Variants in TBX20 observed in about 807,000 individuals in gnomAD.
TBX20 encodes the protein T-box transcription factor 20.
TBX20 carries 8 observed loss-of-function variants against 42.9 expected under a neutral mutation model. The observed-to-expected ratio is 0.19, with a 90% CI of 0.11 to 0.34. TBX20 has a LOEUF of 0.34. TBX20 is among the 10% of genes least tolerant of loss of function. The pLI is 1.00. For synonymous variants in TBX20, 198 were observed against 222.8 expected, an observed-to-expected ratio of 0.89 and a Z score of 0.99; for missense variants, 411 against 566.0, an observed-to-expected ratio of 0.73 and a Z score of 2.78.
Position 35,231,569 on chromosome 7 carries a change from C to T in TBX20, c.825G>A (p.Leu275=), listed in dbSNP as rs760853394. The T allele has an allele frequency of 6.8e-6, 11 of 1,612,242 alleles. No individual in the cohort carries two copies. The East Asian group carries it at 2.5e-4, about 36-fold the overall frequency. Residue 275 remains leucine, a synonymous_variant, in exon 6 of 8, where the codon CTG becomes CTA. Coordinates refer to ENST00000408931, the MANE Select transcript of TBX20 (RefSeq NM_001077653.2). ...TGGCAAAAGGATTGCTATCTATTTT[C>T]AGCTTCGTTATCTGGAGAAAGAATG... ...TAYQNQLITK[L]KIDSNPFAKG... is the part of the protein sequence containing the mutation.
Position 35,210,826 on chromosome 7 carries a change from A to T in TBX20, c.891-6244T>A, listed in dbSNP as rs187861221. ...TGTAGGCAACATATAATCAGGTCTT[A>T]CTTTTTAATTCAAACTGACAATCTC... On this transcript the variant is annotated intron_variant, in intron 6 of 7. Coordinates refer to ENST00000408931, the MANE Select transcript of TBX20 (RefSeq NM_001077653.2). Among the ~76,000 whole-genome samples, 381 of 152,268 alleles carry T rather than the reference A, an allele frequency of 2.5e-3. 7 individuals carry two copies. Among genetic ancestry groups the T allele is most frequent in the African/African-American group, 8.6e-3 (359 of 41,554 alleles).
intron 3 of TBX20, 40 bp from the exon 4 acceptor site, chr7:35,245,097 A>G: frequency 7.1e-7 from 1 of 1,406,950 alleles, no homozygotes; most frequent in East Asian, 2.3e-5. Context: ...GACTTCTTTA[A>G]AAAGTCTGTC....
intron 6 of TBX20, among the ~76,000 whole-genome samples, chr7:35,220,077 A>G (rs1789654700): frequency 6.6e-6 from 1 of 152,236 alleles, no homozygotes; most frequent in South Asian, 2.1e-4. Flanking sequence ...GGAGGGTGCC[A>G]ACTATATATT....
At chr7:35,242,302 CT>C (rs2128714855) in intron 4 of TBX20, among the ~76,000 whole-genome samples, 1 of 152,228 alleles carries the variant, frequency 6.6e-6, no homozygotes, top group Admixed American at 6.5e-5. Context: ...AACATGCTGC[CT>C]TTTTATGATC....
intron 6 of TBX20, among the ~76,000 whole-genome samples, chr7:35,230,747 G>C (rs976543817): frequency 6.6e-6 from 1 of 152,116 alleles, no homozygotes; most frequent in Non-Finnish European, 1.5e-5. Context: ...CTGGTGGCTA[G>C]GGAACTTCCC....
chr7:35,213,663 G>A (rs1385191661), intron 6 of TBX20, among the ~76,000 whole-genome samples: 1 of 151,852 alleles, frequency 6.6e-6, no homozygotes, highest in African/African-American at 2.4e-5. Flanking sequence ...GCAATATATT[G>A]GAAATATCAT....
rs1363437011 is a variant in TBX20 at position 35,248,665 on chromosome 7, G to A, written c.545+12C>T. ...TAACAGTTTTCTCAGTGAAAAATCT[G>A]GAGGCACGAACCTGGCTGGCAACGG... On this transcript the variant is annotated intron_variant, in intron 3 of 7. Coordinates refer to ENST00000408931, the MANE Select transcript of TBX20 (RefSeq NM_001077653.2). 4 of 1,613,912 alleles carry A rather than the reference G, an allele frequency of 2.5e-6. No homozygotes were observed. Among genetic ancestry groups the A allele is most frequent in the Admixed American group, 1.7e-5 (1 of 60,028 alleles).
At chr7:35,237,998 G>A (rs953608662) in intron 5 of TBX20, among the ~76,000 whole-genome samples, 4 of 152,066 alleles carry the variant, frequency 2.6e-5, no homozygotes, top group Non-Finnish European at 5.9e-5. Flanking sequence ...TAGGGGTTAA[G>A]GGCACTCCCT....
intron 5 of TBX20, among the ~76,000 whole-genome samples, chr7:35,236,133 A>G (rs975287508): frequency 9.9e-5 from 15 of 152,200 alleles, no homozygotes; most frequent in African/African-American, 3.6e-4. Context: ...AAAAGGTCCT[A>G]CTTTCATTAC....
In TBX20 at chr7:35,248,714, G is replaced by A. The variant is rs778761577; in HGVS notation, c.508C>T (p.Leu170=). 1 of 1,614,108 alleles carries A rather than the reference G, an allele frequency of 6.2e-7. No individual in the cohort carries two copies. Among genetic ancestry groups the A allele is most frequent in the Non-Finnish European group, 8.5e-7 (1 of 1,180,048 alleles). The change falls in exon 3 of 8, where the codon CTG becomes TTG. Residue 170 remains leucine (L), a synonymous_variant. Transcript: ENST00000408931. ...GGCGGGTCGGCCTTGCCAGCCACCAGCCAGGAGGACCGGTGGTAGGCGTAG... is the reference window on the plus strand; with the variant it reads ...GGCGGGTCGGCCTTGCCAGCCACCAACCAGGAGGACCGGTGGTAGGCGTAG... The part of the protein sequence containing the change: ...YRYAYHRSSW[L]VAGKADPPLP...
At position 35,250,155 on chromosome 7, in the gene TBX20, G is replaced by A; in HGVS notation, c.176C>T (p.Thr59Ile). 1.9e-6 allele frequency: 3 copies of A among 1,614,052 alleles called. No individual in the cohort carries two copies. Among genetic ancestry groups the A allele is most frequent in the Non-Finnish European group, 2.5e-6 (3 of 1,180,002 alleles). Reference protein sequence around the residue: ...SSCAQPLGELTSLDAHGEFGG... With the variant: ...SSCAQPLGELISLDAHGEFGG... The stretch of plus-strand genomic sequence containing the variant: ...AAACTCCCCATGAGCATCCAGGCTG[G>A]TCAGCTCACCCAGGGGCTGGGCACA... Residue 59 changes from threonine to isoleucine, a missense_variant, in exon 2 of 8, where the codon ACC (threonine) becomes ATC (isoleucine). Thr to Ile is a moderately conservative substitution (Grantham distance 89, BLOSUM62 -1). Around this residue, in one of 5 missense-constraint regions of TBX20, gnomAD observed 114 missense variants for 128.0 expected, o/e 0.89. Transcript: ENST00000408931.
At chr7:35,235,486 G>A (rs907120772) in intron 5 of TBX20, among the ~76,000 whole-genome samples, 1 of 152,306 alleles carries the variant, frequency 6.6e-6, no homozygotes, top group East Asian at 1.9e-4. Flanking sequence ...AACATTGTAT[G>A]TACAGAAACC....
intron 4 of TBX20, among the ~76,000 whole-genome samples, chr7:35,242,266 G>A (rs374370015): frequency 3.9e-5 from 6 of 152,252 alleles, no homozygotes; most frequent in Admixed American, 6.5e-5. Flanking sequence ...CTAAAGTTAC[G>A]GGGTTTTAAC....
intron 6 of TBX20, among the ~76,000 whole-genome samples, chr7:35,221,226 A>T (rs547241350): frequency 1.3e-4 from 19 of 150,238 alleles, no homozygotes; most frequent in African/African-American, 4.1e-4. Flanking sequence ...TCGTTGAGGG[A>T]GGAGAAGTAC....
intron 6 of TBX20, among the ~76,000 whole-genome samples, chr7:35,211,959 T>C (rs1789504281): frequency 6.6e-6 from 1 of 152,162 alleles, no homozygotes; most frequent in South Asian, 2.1e-4. Flanking sequence ...TGGATTGTGT[T>C]TACAATTGTC....
intron 6 of TBX20, among the ~76,000 whole-genome samples, chr7:35,231,166 G>A (rs1789859325): frequency 6.6e-6 from 1 of 152,144 alleles, no homozygotes; most frequent in African/African-American, 2.4e-5. Flanking sequence ...AGGCTATCAC[G>A]GTTCTGTTTC....
Position 35,204,323 on chromosome 7 carries a change from C to T in TBX20, c.1003+147G>A, listed in dbSNP as rs182310383. ...TAATGAAATCTGTGAGGATCAGTGTCGGGGCTCTCCCTTCCCAAGGAGGCT... is the reference window on the plus strand; with the variant it reads ...TAATGAAATCTGTGAGGATCAGTGTTGGGGCTCTCCCTTCCCAAGGAGGCT... On this transcript the variant is annotated intron_variant, in intron 7 of 7. Transcript: ENST00000408931. 86 of 706,060 alleles carry T rather than the reference C, an allele frequency of 1.2e-4. 1 individual carries two copies. In the East Asian group the frequency reaches 2.3e-3, roughly 19 times the overall value. 43.7% of individuals were successfully genotyped at this position (706,060 alleles called of 1,614,324 possible).
At chr7:35,231,406 G>C (rs1789863592) in intron 6 of TBX20, 98 bp downstream of exon 6, 1 of 805,016 alleles carries the variant, frequency 1.2e-6, no homozygotes, top group East Asian at 2.6e-5. Flanking sequence ...TATATAGTAA[G>C]GTTATGATTC....
At position 35,245,025 on chromosome 7, in the gene TBX20, C is replaced by G; in HGVS notation, c.578G>C (p.Gly193Ala). The change falls in exon 4 of 8, where the codon GGT becomes GCT. Residue 193 changes from glycine to alanine, a missense_variant. Gly to Ala is a moderately conservative substitution (Grantham distance 60). Transcript: ENST00000408931. ...LYVHPDSPFT[G>A]EQLLKQMVSF... Reference sequence around the variant, plus strand: ...CACCATCTGTTTGAGTAGTTGCTCACCGGTAAAAGGAGAATCTGGATGCAC... The same window carrying G: ...CACCATCTGTTTGAGTAGTTGCTCAGCGGTAAAAGGAGAATCTGGATGCAC... The G allele has an allele frequency of 6.2e-7, 1 of 1,613,642 alleles. No individual in the cohort carries two copies. Among genetic ancestry groups the G allele is most frequent in the South Asian group, 1.1e-5 (1 of 91,040 alleles).
Sources: allele counts gnomAD v4.1 joint callset (sites outside exome capture counted in the v4.1 genomes callset), GRCh38; gene constraint gnomAD v4.1.1; regional missense constraint gnomAD v4.1.1; transcripts MANE v1.5; gene names NCBI Gene and HGNC (gene_info 2026-07-23, HGNC 2026-07-21).